VPS33A: variants seen among roughly 807,000 people sequenced by gnomAD.
VPS33A encodes vacuolar protein sorting-associated protein 33A.
Under a neutral mutation model 71.8 loss-of-function variants are expected in VPS33A, and 32 were observed. The ratio of observed to expected loss-of-function variants is 0.45; its 90% CI spans 0.34 to 0.60. VPS33A has a LOEUF of 0.60. Ranked by LOEUF, VPS33A falls within the 20% of genes least tolerant of loss-of-function variation. VPS33A has a pLI of 0.02. For synonymous variants in VPS33A, 311 were observed against 292.7 expected (o/e 1.06, Z -0.64); for missense variants, 625 against 748.5 (o/e 0.84, Z 1.92).
At chr12:122,233,436 G>C (rs993760771) in intron 11 of VPS33A, among the ~76,000 whole-genome samples, 1 of 152,098 alleles carries the variant, frequency 6.6e-6, no homozygotes, top group Non-Finnish European at 1.5e-5. Flanking sequence ...ATGTTGGCCA[G>C]GCTGGTCTTG....
intron 9 of VPS33A, among the ~76,000 whole-genome samples, chr12:122,239,023 C>CACA (rs879321610): frequency 6.4e-4 from 95 of 149,070 alleles, no homozygotes; most frequent in African/African-American, 2.3e-3. Flanking sequence ...ACACACACAC[C>CACA]CCCCAGTGAT....
At chr12:122,244,504 C>G (rs2136132080) in intron 7 of VPS33A, 65 bp downstream of exon 7, 1 of 1,387,532 alleles carries the variant, frequency 7.2e-7, no homozygotes, top group Non-Finnish European at 9.7e-7. Flanking sequence ...AGCTCTTATT[C>G]CCCTCAGGGG....
chr12:122,240,958 A>G (rs1197416259), intron 8 of VPS33A: 2 of 152,084 alleles, frequency 1.3e-5, no homozygotes, highest in Non-Finnish European at 2.9e-5. Context: ...AACATGGTGA[A>G]ACACCATCTC....
At chr12:122,256,680 T>C (rs1482179516) in intron 4 of VPS33A, among the ~76,000 whole-genome samples, 5 of 151,628 alleles carry the variant, frequency 3.3e-5, no homozygotes, top group African/African-American at 1.2e-4. Context: ...GTAAGTGTGA[T>C]TATGTTAAAA....
Position 122,249,964 on chromosome 12 carries a change from A to G in VPS33A, c.682T>C (p.Leu228=). The G allele has an allele frequency of 6.2e-7, 1 of 1,614,176 alleles. No homozygotes were observed. The highest frequency in any genetic ancestry group is 1.1e-5 in the South Asian group (1 of 91,076). Residue 228 remains leucine (L), a synonymous_variant, in exon 6 of 13, where the codon TTG becomes CTG. Coordinates refer to ENST00000267199, the MANE Select transcript of VPS33A (RefSeq NM_022916.6). ...NSIFPVFDNL[L]LLDRNVDLLT... is the part of the protein sequence containing the mutation. ...AAATCCACATTCCGATCAAGCAACA[A>G]GAGATTATCAAAAACAGGAAATATT...
In VPS33A at chr12:122,232,315, A is replaced by G. The variant is rs765402672; in HGVS notation, c.1722T>C (p.Tyr574=). The change falls in exon 13 of 13, where the codon TAT becomes TAC. Residue 574 remains tyrosine, a synonymous_variant. Transcript: ENST00000267199. ...LSQLEDGGTE[Y]VIATTKLMNG... is the part of the protein sequence containing the mutation. The stretch of plus-strand genomic sequence containing the variant: ...TCATTAGTTTAGTGGTGGCAATGAC[A>G]TATTCTGTACCTCCATCTTCCAACT... 2 of 1,614,190 alleles carry G rather than the reference A, an allele frequency of 1.2e-6. No individual in the cohort carries two copies. The highest frequency in any genetic ancestry group is 3.3e-5 in the Admixed American group (2 of 60,006).
chr12:122,239,777 A>AAAAAAAAAAAAAAAAAAAAAAC (rs1954688436), intron 9 of VPS33A, 101 bp downstream of exon 9: 1 of 626,768 alleles, frequency 1.6e-6, no homozygotes, highest in Non-Finnish European at 2.6e-6. Flanking sequence ...AAAAAAAAAA[A>AAAAAAAAAAAAAAAAAAAAAAC]AAGGCAAGGC....
In VPS33A at chr12:122,239,859, G is replaced by A. The variant is rs756238233; in HGVS notation, c.1164+19C>T. 4 of 1,588,046 alleles carry A rather than the reference G, an allele frequency of 2.5e-6. No homozygotes were observed. The highest frequency in any genetic ancestry group is 3.5e-5 in the Admixed American group (2 of 57,814). ...TAAGCTTTCAATTACTTGTTAAAGA[G>A]GTTTTTTTGTCCACATACCTTATCA... On this transcript the variant is annotated intron_variant, in intron 9 of 12. Coordinates refer to ENST00000267199, the MANE Select transcript of VPS33A (RefSeq NM_022916.6).
At chr12:122,265,299 G>C (rs1408928837) in intron 1 of VPS33A, among the ~76,000 whole-genome samples, 1 of 152,112 alleles carries the variant, frequency 6.6e-6, no homozygotes, top group African/African-American at 2.4e-5. Flanking sequence ...ACCATACAGA[G>C]TGAAAGGGAG....
chr12:122,236,511 G>A (rs1202779514), intron 10 of VPS33A, among the ~76,000 whole-genome samples: 1 of 152,100 alleles, frequency 6.6e-6, no homozygotes, highest in African/African-American at 2.4e-5. Context: ...CTGGTGGCAT[G>A]TACCTGTAAT....
At chr12:122,234,041 C>A (rs1954598528) in intron 11 of VPS33A, among the ~76,000 whole-genome samples, 2 of 151,904 alleles carry the variant, frequency 1.3e-5, no homozygotes, top group South Asian at 4.2e-4. Context: ...TTATGAAAAA[C>A]CAAAAAAGAC....
chr12:122,242,379 C>T lies in VPS33A; in HGVS notation c.1096+3G>A, dbSNP rs757776195. ...TGAAACAATCATTACAAAGGATACT[C>T]ACTAGTGACATCTTTGATCAATTCT... is the stretch of plus-strand genomic sequence containing the variant. On this transcript the variant is annotated splice_donor_region_variant and intron_variant, in intron 8 of 12. Coordinates refer to ENST00000267199, the MANE Select transcript of VPS33A (RefSeq NM_022916.6). 1.2e-6 allele frequency: 2 copies of T among 1,612,252 alleles called. No individual in the cohort carries two copies. The highest frequency in any genetic ancestry group is 2.7e-5 in the African/African-American group (2 of 74,902).
At chr12:122,233,068 A>C (rs559562199) in intron 11 of VPS33A, 100 bp from the exon 12 acceptor site, 1 of 1,292,424 alleles carries the variant, frequency 7.7e-7, no homozygotes, top group East Asian at 2.7e-5. Flanking sequence ...ATTTGGATTT[A>C]AAGATATACA....
At chr12:122,245,176 AAAC>A (rs1954761145) in intron 6 of VPS33A, among the ~76,000 whole-genome samples, 1 of 152,210 alleles carries the variant, frequency 6.6e-6, no homozygotes, top group African/African-American at 2.4e-5. Context: ...AACCAAAACA[AAAC>A]AACAGTACCA....
Position 122,250,020 on chromosome 12 carries a change from A to T in VPS33A, c.626T>A (p.Met209Lys). 1 of 1,612,720 alleles carries T rather than the reference A, an allele frequency of 6.2e-7. No individual in the cohort carries two copies. The highest frequency in any genetic ancestry group is 8.5e-7 in the Non-Finnish European group (1 of 1,179,478). Reference protein sequence around the residue: ...ARQVANMMIRMKREFTGSQNS... With the variant: ...ARQVANMMIRKKREFTGSQNS... ...CTGGCTTCCTGTAAACTCTCTCTTC[A>T]TCCTGATCATCATATTGGCCACTTG... The change falls in exon 6 of 13, where the codon ATG becomes AAG. Residue 209 changes from methionine to lysine, a missense_variant. Physicochemically the swap from Met to Lys is moderately conservative, Grantham distance 95 (BLOSUM62 -1). Coordinates refer to ENST00000267199, the MANE Select transcript of VPS33A (RefSeq NM_022916.6).
intron 6 of VPS33A, among the ~76,000 whole-genome samples, chr12:122,245,412 C>T (rs1430068198): frequency 2.0e-5 from 3 of 151,150 alleles, no homozygotes; most frequent in African/African-American, 4.9e-5. Context: ...TTAGAAACTA[C>T]GGTCTGAGGA....
chr12:122,237,993 C>T (rs1593195635), intron 10 of VPS33A, among the ~76,000 whole-genome samples: 1 of 151,482 alleles, frequency 6.6e-6, no homozygotes, highest in African/African-American at 2.4e-5. Flanking sequence ...GCTATGTTGC[C>T]AGGCTGGTCT....
At chr12:122,263,294 C>G (rs1955022847) in intron 3 of VPS33A, among the ~76,000 whole-genome samples, 1 of 152,130 alleles carries the variant, frequency 6.6e-6, no homozygotes, top group Admixed American at 6.6e-5. Context: ...TGCCCAGTCT[C>G]ACTTTTTAAG....
chr12:122,237,380 T>C (rs924547062), intron 10 of VPS33A, among the ~76,000 whole-genome samples: 4 of 152,150 alleles, frequency 2.6e-5, no homozygotes, highest in Non-Finnish European at 5.9e-5. Context: ...TTACCTAAAC[T>C]AGTCTGTGCC....
Sources: gnomAD v4.1 joint callset for allele counts (sites outside exome capture counted in the v4.1 genomes callset) on GRCh38, gnomAD v4.1.1 for gene constraint, MANE v1.5 for transcripts, NCBI Gene and HGNC (gene_info 2026-07-23, HGNC 2026-07-21) for gene names.